The following MOK variants were observed in gnomAD, a reference collection of about 807,000 sequenced individuals.
MOK encodes the protein MOK protein kinase, also known as MAPK/MAK/MRK overlapping kinase.
Under a neutral mutation model 54.2 loss-of-function variants are expected in MOK, and 59 were observed. That is an observed-to-expected ratio of 1.09 (90% CI 0.88 to 1.35). The LOEUF is 1.35. MOK is among the 40% of genes most tolerant of loss of function. The probability of loss-of-function intolerance (pLI) is 0.00; values close to 1 mark genes in which losing one functional copy is unlikely to be tolerated. For synonymous variants in MOK, 210 were observed against 202.7 expected, an observed-to-expected ratio of 1.04 and a Z score of -0.31; for missense variants, 517 against 526.2, an observed-to-expected ratio of 0.98 and a Z score of 0.17.
chr14:102,251,315 T>C (rs2066509126), intron 6 of MOK: 3 of 390,760 alleles, frequency 7.7e-6, no homozygotes, highest in Non-Finnish European at 1.4e-5. Flanking sequence ...GCTGCCAGCT[T>C]GCCCAGCAAG....
intron 4 of MOK, among the ~76,000 whole-genome samples, chr14:102,257,963 G>A (rs1045218787): frequency 2.7e-5 from 4 of 146,822 alleles, no homozygotes; most frequent in Non-Finnish European, 4.5e-5. Flanking sequence ...CCAACAGAGT[G>A]AGACTCTGTC....
intron 3 of MOK, chr14:102,263,869 C>A: frequency 3.0e-6 from 1 of 333,200 alleles, no homozygotes; most frequent in South Asian, 4.9e-5. Context: ...CTTGAAAATA[C>A]ATAATTAATT....
downstream of MOK, among the ~76,000 whole-genome samples, chr14:102,219,799 G>T (rs2063676855): frequency 6.6e-6 from 1 of 152,228 alleles, no homozygotes; most frequent in Non-Finnish European, 1.5e-5. Flanking sequence ...GGCGAAGCCT[G>T]CTAACGGGAA....
chr14:102,248,888 TCTGA>T (rs927018539), intron 7 of MOK, among the ~76,000 whole-genome samples: 11 of 151,890 alleles, frequency 7.2e-5, no homozygotes, highest in Admixed American at 5.2e-4. Context: ...GGCTGCTTCC[TCTGA>T]CTGTCTGACT....
chr14:102,250,321 C>T (rs573418426), intron 7 of MOK, among the ~76,000 whole-genome samples: 6 of 152,054 alleles, frequency 3.9e-5, no homozygotes, highest in Non-Finnish European at 5.9e-5. Context: ...CCCATCTCCT[C>T]GTCCCTGGGC....
At chr14:102,242,665 C>T (rs573747323) in intron 7 of MOK, among the ~76,000 whole-genome samples, 1 of 152,294 alleles carries the variant, frequency 6.6e-6, no homozygotes, top group African/African-American at 2.4e-5. Context: ...ACAGCATGGC[C>T]TTTTAAAGCC....
At position 102,304,650 on chromosome 14, in the gene MOK, A is replaced by C. The variant is rs538632581; in HGVS notation, c.7+312T>G. Reference sequence around the variant, plus strand: ...AATAAAATAAAATGAATCACAGTCAACTCCCTAAACTCCAATGTAAGAACC... The same window carrying C: ...AATAAAATAAAATGAATCACAGTCACCTCCCTAAACTCCAATGTAAGAACC... On this transcript the variant is annotated intron_variant, in intron 1 of 11. Transcript: ENST00000361847. Among the ~76,000 whole-genome samples the C allele has an allele frequency of 9.2e-5, 14 of 152,254 alleles. No individual in the cohort carries two copies. The South Asian group carries it at 1.9e-3, about 20-fold the overall frequency.
intron 2 of MOK, among the ~76,000 whole-genome samples, chr14:102,270,670 G>C (rs2068279543): frequency 6.6e-6 from 1 of 151,906 alleles, no homozygotes; most frequent in Non-Finnish European, 1.5e-5. Context: ...TGACAATTTA[G>C]GGTAAACAAA....
chr14:102,304,572 C>G (rs1275289979), intron 1 of MOK, among the ~76,000 whole-genome samples: 1 of 152,180 alleles, frequency 6.6e-6, no homozygotes, highest in Non-Finnish European at 1.5e-5. Flanking sequence ...AGCGCTCCCC[C>G]GTTTTCTGCC....
intron 7 of MOK, among the ~76,000 whole-genome samples, chr14:102,250,359 G>A (rs1315077305): frequency 6.6e-6 from 1 of 152,106 alleles, no homozygotes; most frequent in Non-Finnish European, 1.5e-5. Context: ...GGCTGGGGGG[G>A]AGTGGGGGGT....
chr14:102,288,696 T>A (rs1186944769), intron 1 of MOK, among the ~76,000 whole-genome samples: 1 of 152,180 alleles, frequency 6.6e-6, no homozygotes, highest in Non-Finnish European at 1.5e-5. Flanking sequence ...AACGTTATAG[T>A]ATGTATATTT....
rs991482167 is a variant in MOK at position 102,240,120 on chromosome 14, T to C, written c.591-6331A>G. Among the ~76,000 whole-genome samples the C allele has an allele frequency of 6.6e-6, 1 of 151,170 alleles. No homozygotes were observed. Among genetic ancestry groups the C allele is most frequent in the African/African-American group, 2.4e-5 (1 of 41,252 alleles). ...AGCTTCCACACTGAGCACCTTGTGA[T>C]CCCCTAGCCCCTGCCCGCCAGAGAA... On this transcript the variant is annotated intron_variant, in intron 7 of 11. Coordinates refer to ENST00000361847, the MANE Select transcript of MOK (RefSeq NM_014226.3). This position sits in a 1 kb window ranked among gnomAD's most constrained non-coding sequence, Gnocchi z 5.4.
intron 4 of MOK, chr14:102,260,662 C>T (rs1454410608): frequency 6.6e-6 from 1 of 152,160 alleles, no homozygotes; most frequent in East Asian, 1.9e-4. Flanking sequence ...GCACTGAACA[C>T]ACTGCCTGGC....
At position 102,261,812 on chromosome 14, in the gene MOK, C is replaced by T. The variant is rs140488065; in HGVS notation, c.283+1734G>A. Among the ~76,000 whole-genome samples, 1,103 of 152,036 alleles carry T rather than the reference C, an allele frequency of 7.3e-3. 13 individuals are homozygous for T. Among genetic ancestry groups the T allele is most frequent in the African/African-American group, 0.025 (1,054 of 41,464 alleles). The stretch of plus-strand genomic sequence containing the variant: ...TCAGCCTCCCAAAGTGCTGGGATTA[C>T]AGGCATAAGCCACCACGCCCGGCCT... On this transcript the variant is annotated intron_variant, in intron 4 of 11. Transcript: ENST00000361847.
In MOK at chr14:102,228,873, G is replaced by A. The variant is rs2064372858; in HGVS notation, c.*416C>T. 1 of 190,034 alleles carries A rather than the reference G, an allele frequency of 5.3e-6. No individual in the cohort carries two copies. The highest frequency in any genetic ancestry group is 5.6e-5 in the Admixed American group (1 of 17,782). 11.8% of individuals were successfully genotyped at this position (190,034 alleles called of 1,614,324 possible). ...AGCTTATTCTTTAATAAAAGTCAGG[G>A]GTGTCAGCAGCGTCACTGGTAAGAC... On this transcript the variant is annotated 3_prime_UTR_variant, in exon 12 of 12. Transcript: ENST00000361847.
rs750135135 is a variant in MOK, at chr14:102,229,208, G to A, written c.*81C>T. 165 of 1,403,560 alleles carry A rather than the reference G, an allele frequency of 1.2e-4. No homozygotes were observed. Among genetic ancestry groups the A allele is most frequent in the Non-Finnish European group, 1.6e-4 (163 of 1,031,012 alleles). 86.9% of individuals were successfully genotyped at this position (1,403,560 alleles called of 1,614,324 possible). A position where few individuals can be genotyped will look rare whatever the true frequency, so the allele number is the denominator to read the frequency against. On this transcript the variant is annotated 3_prime_UTR_variant, in exon 12 of 12. Transcript: ENST00000361847. ...GCAGGCGCATCCCCAGCCCTCCGTGGCGTCTCAGCAGCAGATCACCCAGGC... is the reference window on the plus strand; with the variant it reads ...GCAGGCGCATCCCCAGCCCTCCGTGACGTCTCAGCAGCAGATCACCCAGGC...
Position 102,230,064 on chromosome 14 carries a change from C to T in MOK, c.982-407G>A, listed in dbSNP as rs937259288. The T allele has an allele frequency of 2.5e-5, 5 of 199,216 alleles. No individual in the cohort carries two copies. The South Asian group carries it at 3.8e-4, about 15-fold the overall frequency. The allele number at this position is 199,216 out of a possible 1,614,324, so 12.3% of individuals were successfully genotyped here. A position where few individuals can be genotyped will look rare whatever the true frequency, so the allele number is the denominator to read the frequency against. On this transcript the variant is annotated intron_variant, in intron 10 of 11. Coordinates refer to ENST00000361847, the MANE Select transcript of MOK (RefSeq NM_014226.3). This position sits in a 1 kb window ranked among gnomAD's most constrained non-coding sequence, Gnocchi z 4.1. Reference sequence around the variant, plus strand: ...TTGTTTGTTTGTTTGTTTTGAGACACGGTGTTTGTTGCTCTGTAGCACAGA... The same window carrying T: ...TTGTTTGTTTGTTTGTTTTGAGACATGGTGTTTGTTGCTCTGTAGCACAGA...
intron 1 of MOK, among the ~76,000 whole-genome samples, chr14:102,290,462 A>G (rs961897557): frequency 6.6e-6 from 1 of 152,106 alleles, no homozygotes; most frequent in African/African-American, 2.4e-5. Context: ...AGAGAAACAA[A>G]CAAACAAAAA....
downstream of MOK, chr14:102,224,648 G>C (rs1311064878): frequency 1.1e-5 from 5 of 455,898 alleles, no homozygotes; most frequent in African/African-American, 1.0e-4. Flanking sequence ...TATGAATGCA[G>C]CCACGGAAAA....
Sources: gnomAD v4.1 joint callset for allele counts (sites outside exome capture counted in the v4.1 genomes callset) on GRCh38, gnomAD v4.1.1 for gene constraint, Gnocchi (gnomAD v3.1) non-coding constraint, MANE v1.5 for transcripts, NCBI Gene and HGNC (gene_info 2026-07-23, HGNC 2026-07-21) for gene names.